The following DSCAM variants were observed in gnomAD, a reference collection of about 807,000 sequenced individuals.
DSCAM encodes the protein cell adhesion molecule DSCAM.
DSCAM carries 47 observed loss-of-function variants against 217.7 expected under a neutral mutation model. The ratio of observed to expected loss-of-function variants is 0.22; its 90% CI spans 0.17 to 0.28. The LOEUF (loss-of-function observed/expected upper bound fraction) is 0.28, where lower values mean the gene tolerates loss of function less well. DSCAM is among the 10% of genes least tolerant of loss of function. DSCAM has a pLI of 1.00. For missense variants in DSCAM, 2,080 were observed against 2,618.3 expected (o/e 0.79, Z 4.49); for synonymous variants, 1,056 against 1,015.3 (o/e 1.04, Z -0.76).
chr21:40,248,838 G>A (rs1363603751), intron 11 of DSCAM, among the ~76,000 whole-genome samples: 1 of 152,192 alleles, frequency 6.6e-6, no homozygotes, highest in Non-Finnish European at 1.5e-5. Flanking sequence ...AAAAGAGGTT[G>A]GATTGGACTT....
At position 40,673,135 on chromosome 21, in the gene DSCAM, C is replaced by T. The variant is rs561860068; in HGVS notation, c.508+19675G>A. Among the ~76,000 whole-genome samples, 3 of 152,318 alleles carry T rather than the reference C, an allele frequency of 2.0e-5. No individual in the cohort carries two copies. The South Asian group carries it at 6.2e-4, about 32-fold the overall frequency. On this transcript the variant is annotated intron_variant, in intron 3 of 32. Transcript: ENST00000400454. ...TGACTCCCTATCCAAGCTCACTCCA[C>T]TTAGGGGTCTTCCACCAACCACAGT... is the stretch of plus-strand genomic sequence containing the variant.
chr21:40,554,015 T>C (rs2076650835), intron 3 of DSCAM, among the ~76,000 whole-genome samples: 1 of 152,000 alleles, frequency 6.6e-6, no homozygotes. Flanking sequence ...AGGTATTGTT[T>C]AAGACAGGGT....
intron 3 of DSCAM, among the ~76,000 whole-genome samples, chr21:40,479,243 G>C (rs563956787): frequency 1.7e-4 from 26 of 152,230 alleles, no homozygotes; most frequent in Non-Finnish European, 3.7e-4. Context: ...CACCACTCAG[G>C]TCCATTGGAC....
At chr21:40,064,492 C>T (rs1162556103) in intron 27 of DSCAM, among the ~76,000 whole-genome samples, 1 of 152,148 alleles carries the variant, frequency 6.6e-6, no homozygotes, top group African/African-American at 2.4e-5. Context: ...AAAGAGCTCC[C>T]CACAATGACT....
At chr21:40,044,856 T>TC (rs1458069793) in intron 30 of DSCAM, among the ~76,000 whole-genome samples, 1 of 152,222 alleles carries the variant, frequency 6.6e-6, no homozygotes, top group Non-Finnish European at 1.5e-5. Flanking sequence ...TGACCTCCTT[T>TC]CTACATCCTT....
chr21:40,489,786 A>AT (rs999531402), intron 3 of DSCAM, among the ~76,000 whole-genome samples: 2 of 150,286 alleles, frequency 1.3e-5, no homozygotes, highest in South Asian at 2.1e-4. Flanking sequence ...AAAAAAAAAA[A>AT]AAAAAAAAAA....
intron 3 of DSCAM, among the ~76,000 whole-genome samples, chr21:40,463,455 T>C (rs8133816): frequency 0.078 from 11,909 of 152,056 alleles, 948 homozygotes; most frequent in African/African-American, 0.19. Flanking sequence ...TCACCCCTTC[T>C]TCCATCAGTT....
chr21:40,765,737 C>G (rs548510637), intron 1 of DSCAM, among the ~76,000 whole-genome samples: 1 of 152,316 alleles, frequency 6.6e-6, no homozygotes, highest in East Asian at 1.9e-4. Flanking sequence ...CTGTTTGAGG[C>G]CACCAACAGA....
chr21:40,343,962 A>T (rs1399151429), intron 6 of DSCAM, among the ~76,000 whole-genome samples: 2 of 150,936 alleles, frequency 1.3e-5, no homozygotes, highest in Non-Finnish European at 2.9e-5. Flanking sequence ...GGAGTGCAGT[A>T]GCAGGATCTC....
At position 40,279,477 on chromosome 21, in the gene DSCAM, AG is replaced by A. The variant is rs568273296; in HGVS notation, c.2183-3208del. On this transcript the variant is annotated intron_variant, in intron 10 of 32. Coordinates refer to ENST00000400454, the MANE Select transcript of DSCAM (RefSeq NM_001389.5). ...GATCATTAAAAAGTCAGGAAACAAC[AG>A]ATGCTGGAGAGGATGTGGAGAAATA... is the stretch of plus-strand genomic sequence containing the variant. 7.2e-5 allele frequency among the ~76,000 whole-genome samples: 11 copies of A among 152,384 alleles called. No homozygotes were observed. The East Asian group carries it at 1.7e-3, about 24-fold the overall frequency.
intron 1 of DSCAM, among the ~76,000 whole-genome samples, chr21:40,781,767 C>A (rs2123429691): frequency 6.6e-6 from 1 of 152,198 alleles, no homozygotes; most frequent in South Asian, 2.1e-4. Context: ...CAGCTATGTC[C>A]TACTTACATT....
Position 40,290,724 on chromosome 21 carries a change from G to T in DSCAM, c.2182+5331C>A, listed in dbSNP as rs149812886. On this transcript the variant is annotated intron_variant, in intron 10 of 32. Coordinates refer to ENST00000400454, the MANE Select transcript of DSCAM (RefSeq NM_001389.5). The stretch of plus-strand genomic sequence containing the variant: ...TCTACAGGGAAATCAGGCAGTCTGT[G>T]CTCCCTCCAAGGAGACAGTGTGAGC... 2.9e-4 allele frequency among the ~76,000 whole-genome samples: 44 copies of T among 152,332 alleles called. 1 individual carries two copies. The East Asian group carries it at 8.5e-3, about 29-fold the overall frequency.
At chr21:40,220,275 C>T (rs1330521343) in intron 11 of DSCAM, among the ~76,000 whole-genome samples, 1 of 152,136 alleles carries the variant, frequency 6.6e-6, no homozygotes, top group East Asian at 1.9e-4. Context: ...GAACCAACCT[C>T]GAGTGGCTAT....
At chr21:40,829,609 C>G (rs1220049071) in intron 1 of DSCAM, among the ~76,000 whole-genome samples, 1 of 152,054 alleles carries the variant, frequency 6.6e-6, no homozygotes, top group Non-Finnish European at 1.5e-5. Context: ...AGCAAGTTGG[C>G]GTTGGAGTCA....
At chr21:40,666,008 C>T (rs554819400) in intron 3 of DSCAM, among the ~76,000 whole-genome samples, 2 of 152,052 alleles carry the variant, frequency 1.3e-5, no homozygotes, top group East Asian at 3.9e-4. Context: ...AAATGTCTCT[C>T]CTGGCTGACA....
intron 1 of DSCAM, among the ~76,000 whole-genome samples, chr21:40,843,384 G>A (rs1041674391): frequency 1.3e-5 from 2 of 151,650 alleles, no homozygotes; most frequent in African/African-American, 4.8e-5. Flanking sequence ...GTGTGTGTGT[G>A]TGTGTGTGTG....
intron 10 of DSCAM, among the ~76,000 whole-genome samples, chr21:40,280,187 T>TC (rs1259088424): frequency 6.7e-6 from 1 of 149,474 alleles, no homozygotes; most frequent in Non-Finnish European, 1.5e-5. Flanking sequence ...GTGCCTTTTT[T>TC]TTTTTTTTTT....
intron 11 of DSCAM, among the ~76,000 whole-genome samples, chr21:40,256,669 A>G (rs771962438): frequency 3.3e-5 from 5 of 152,202 alleles, no homozygotes; most frequent in Non-Finnish European, 7.4e-5. Context: ...GCCCACCCGC[A>G]TTATGAAGGA....
At chr21:40,396,673 A>ACTG (rs998989326) in intron 3 of DSCAM, among the ~76,000 whole-genome samples, 10 of 145,844 alleles carry the variant, frequency 6.9e-5, no homozygotes, top group Admixed American at 6.5e-4. Flanking sequence ...TACTACTGCC[A>ACTG]CTGCTGCTAC....
Sources: gnomAD v4.1 joint callset for allele counts (sites outside exome capture counted in the v4.1 genomes callset) on GRCh38, gnomAD v4.1.1 for gene constraint, MANE v1.5 for transcripts, NCBI Gene and HGNC (gene_info 2026-07-23, HGNC 2026-07-21) for gene names.